The following SDHA variants were observed in gnomAD, a reference collection of about 807,000 sequenced individuals.
The protein encoded by SDHA is succinate dehydrogenase [ubiquinone] flavoprotein subunit, mitochondrial.
A neutral mutation model predicts 78.4 loss-of-function variants in SDHA; 48 were observed. The ratio of observed to expected loss-of-function variants is 0.61; its 90% CI spans 0.49 to 0.78. The LOEUF is 0.78. Ranked by LOEUF, SDHA falls within the 30% of genes least tolerant of loss-of-function variation. SDHA has a pLI of 0.00. For missense variants in SDHA, 680 were observed against 892.7 expected (o/e 0.76, Z 3.04); for synonymous variants, 326 against 353.9 (o/e 0.92, Z 0.88).
At chr5:239,634 A>T (rs1265943428) in intron 10 of SDHA, among the ~76,000 whole-genome samples, 1 of 152,140 alleles carries the variant, frequency 6.6e-6, no homozygotes, top group Non-Finnish European at 1.5e-5. Flanking sequence ...GTGACTTTCA[A>T]GCACACAGCA....
chr5:264,751 C>G, the SDHA span, among the ~76,000 whole-genome samples: 1 of 152,160 alleles, frequency 6.6e-6, no homozygotes, highest in Non-Finnish European at 1.5e-5. Context: ...CGCAGCACTT[C>G]AAGTATGCAG....
rs555898411 is a variant in SDHA at position 237,818 on chromosome 5, T to C, written c.1432+1219T>C. The stretch of plus-strand genomic sequence containing the variant: ...AGATAGTATTAAAAGGGTAGCTTAC[T>C]TCAGACACTCTGTCTCTGGATCTGA... On this transcript the variant is annotated intron_variant, in intron 10 of 14. Transcript: ENST00000264932. Among the ~76,000 whole-genome samples the C allele has an allele frequency of 2.2e-5, 3 of 137,602 alleles. No homozygotes were observed. In the South Asian group the frequency reaches 6.4e-4, roughly 29 times the overall value. 90.3% of individuals were successfully genotyped at this position (137,602 alleles called of 152,430 possible).
chr5:251,066 C>T lies in SDHA; in HGVS notation c.1626C>T (p.Leu542=), dbSNP rs1269358534. 1 of 1,612,030 alleles carries T rather than the reference C, an allele frequency of 6.2e-7. No homozygotes were observed. The highest frequency in any genetic ancestry group is 8.5e-7 in the Non-Finnish European group (1 of 1,179,860). ...AAGGTTGTGGGAAAATCAGCAAGCT[C>T]TATGGAGACCTAAAGCACCTGAAGA... ...LQEGCGKISK[L]YGDLKHLKTF... Residue 542 remains leucine (L), a synonymous_variant, in exon 12 of 15, where the codon CTC becomes CTT. Transcript: ENST00000264932.
intron 1 of SDHA, among the ~76,000 whole-genome samples, chr5:223,009 G>T (rs1195824229): frequency 6.6e-6 from 1 of 152,178 alleles, no homozygotes; most frequent in African/African-American, 2.4e-5. Context: ...TCAATGTTGA[G>T]TGCCTTTTGA....
chr5:231,964 C>G (rs1456039544), intron 7 of SDHA, among the ~76,000 whole-genome samples: 1 of 152,060 alleles, frequency 6.6e-6, no homozygotes, highest in East Asian at 1.9e-4. Context: ...GACATTAACT[C>G]AGAAATGACA....
At chr5:252,814 C>T (rs1170861053) in intron 13 of SDHA, among the ~76,000 whole-genome samples, 1 of 151,920 alleles carries the variant, frequency 6.6e-6, no homozygotes, top group Non-Finnish European at 1.5e-5. Flanking sequence ...CGTTTCAGAC[C>T]TGCCCTGTGG....
the SDHA span, among the ~76,000 whole-genome samples, chr5:262,190 G>A: frequency 1.7e-5 from 1 of 57,832 alleles, no homozygotes; most frequent in Non-Finnish European, 4.6e-5. Context: ...TCCGCCTCCC[G>A]CCAGAGCATT....
intron 13 of SDHA, among the ~76,000 whole-genome samples, chr5:253,916 C>T (rs186847750): frequency 6.6e-6 from 1 of 152,200 alleles, no homozygotes; most frequent in East Asian, 1.9e-4. Context: ...AAAAATGAGC[C>T]AGGTGTGGTG....
intron 5 of SDHA, among the ~76,000 whole-genome samples, chr5:227,064 G>A (rs1390889346): frequency 6.6e-6 from 1 of 152,060 alleles, no homozygotes; most frequent in East Asian, 1.9e-4. Context: ...AGGCTGGAGT[G>A]CAGTAGCACA....
chr5:227,666 C>T (rs560736895), intron 5 of SDHA: 28 of 218,800 alleles, frequency 1.3e-4, no homozygotes, highest in Admixed American at 1.2e-3. Flanking sequence ...CGCTGTCCGG[C>T]GCCTACCTTT....
In SDHA at chr5:218,912, C is replaced by T. The variant is rs1292298308; in HGVS notation, c.63+494C>T. 2.0e-5 allele frequency among the ~76,000 whole-genome samples: 3 copies of T among 152,182 alleles called. No individual in the cohort carries two copies. The East Asian group carries it at 5.8e-4, about 29-fold the overall frequency. ...GGGGCCGGCGGGGCGGGTGAGACCG[C>T]CCGGGTGGGTGCGAGGAGTGGCCGG... On this transcript the variant is annotated intron_variant, in intron 1 of 14. Transcript: ENST00000264932.
the SDHA span, among the ~76,000 whole-genome samples, chr5:263,191 C>A: frequency 2.6e-5 from 4 of 152,200 alleles, no homozygotes; most frequent in Non-Finnish European, 5.9e-5. Context: ...CCTCCTGCCT[C>A]AGCCTCCCAG....
intron 11 of SDHA, among the ~76,000 whole-genome samples, chr5:242,586 G>T (rs1736213307): frequency 6.6e-6 from 1 of 152,176 alleles, no homozygotes; most frequent in South Asian, 2.1e-4. Context: ...CTATATTTCT[G>T]TGTGTGTGTC....
intron 11 of SDHA, among the ~76,000 whole-genome samples, chr5:241,927 A>G (rs892261037): frequency 6.6e-6 from 1 of 152,238 alleles, no homozygotes; most frequent in African/African-American, 2.4e-5. Flanking sequence ...GGAAAGAAAG[A>G]ACCATTGCAT....
chr5:257,357 C>A (rs1386016805), downstream of SDHA, among the ~76,000 whole-genome samples: 3 of 148,758 alleles, frequency 2.0e-5, no homozygotes, highest in Admixed American at 6.7e-5. Context: ...CTGTGAACTC[C>A]GCCACCTGTC....
chr5:242,442 T>A (rs1018754553), intron 11 of SDHA, among the ~76,000 whole-genome samples: 2 of 152,246 alleles, frequency 1.3e-5, no homozygotes, highest in Non-Finnish European at 2.9e-5. Context: ...CCAGAGCCCA[T>A]ACCTTTGTTT....
intron 11 of SDHA, among the ~76,000 whole-genome samples, chr5:243,336 C>T (rs187052805): frequency 1.0e-4 from 14 of 140,112 alleles, no homozygotes; most frequent in South Asian, 4.2e-4. Flanking sequence ...CTGACTTGGA[C>T]GCTCTTACTT....
Position 228,292 on chromosome 5 carries a change from C to T in SDHA, c.729C>T (p.Ser243=), listed in dbSNP as rs778543446. 7 of 1,613,876 alleles carry T rather than the reference C, an allele frequency of 4.3e-6. No individual in the cohort carries two copies. In the South Asian group the frequency reaches 7.7e-5, roughly 18 times the overall value. Residue 243 remains serine, a synonymous_variant, in exon 6 of 15, where the codon TCC becomes TCT. Coordinates refer to ENST00000264932, the MANE Select transcript of SDHA (RefSeq NM_004168.4). The stretch of plus-strand genomic sequence containing the variant: ...TCGCACTGTGCATAGAGGACGGGTC[C>T]ATCCATCGCATAAGAGCAAAGAACA... The part of the protein sequence containing the change: ...GVIALCIEDG[S]IHRIRAKNTV...
intron 1 of SDHA, among the ~76,000 whole-genome samples, chr5:222,336 CT>C (rs992721885): frequency 6.1e-5 from 9 of 146,410 alleles, no homozygotes; most frequent in Admixed American, 2.1e-4. Context: ...TTTCCTAAAG[CT>C]TTTTTTTCTT....
Sources: allele counts gnomAD v4.1 joint callset (sites outside exome capture counted in the v4.1 genomes callset), GRCh38; gene constraint gnomAD v4.1.1; transcripts MANE v1.5; gene names NCBI Gene and HGNC (gene_info 2026-07-23, HGNC 2026-07-21).